The following NALCN variants were observed in gnomAD, a reference collection of about 807,000 sequenced individuals.
The protein encoded by NALCN is sodium leak channel, non-selective.
In NALCN, 111 loss-of-function variants were observed where a neutral mutation model predicts 225.3. That is an observed-to-expected ratio of 0.49 (90% confidence interval 0.42 to 0.58). NALCN has a LOEUF of 0.58. Among genes scored for constraint, NALCN ranks in the 20% least tolerant of loss-of-function variants. The pLI is 0.00. For synonymous variants in NALCN, 764 were observed against 769.0 expected (o/e 0.99, Z 0.11); for missense variants, 1,378 against 2,202.4 (o/e 0.63, Z 7.49).
Position 101,292,967 on chromosome 13 carries a change from G to T in NALCN, c.800-601C>A. On this transcript the variant is annotated intron_variant, in intron 7 of 43. Coordinates refer to ENST00000251127, the MANE Select transcript of NALCN (RefSeq NM_052867.4). The surrounding 1 kb of genome is among the most constrained non-coding windows in gnomAD (Gnocchi z 4.3). Reference sequence around the variant, plus strand: ...AATTACCTCATAGAAAGTACTTCTAGTAATGGAAAGAAAGGAAAGCTAAAA... The same window carrying T: ...AATTACCTCATAGAAAGTACTTCTATTAATGGAAAGAAAGGAAAGCTAAAA... Among the ~76,000 whole-genome samples, 1 of 152,140 alleles carries T rather than the reference G, an allele frequency of 6.6e-6. No homozygotes were observed. Among genetic ancestry groups the T allele is most frequent in the East Asian group, 1.9e-4 (1 of 5,196 alleles).
chr13:101,176,184 G>T, intron 15 of NALCN, 116 bp downstream of exon 15: 1 of 613,318 alleles, frequency 1.6e-6, no homozygotes, highest in Non-Finnish European at 2.5e-6. Flanking sequence ...ACCTTCGATA[G>T]CCTTATTACA....
rs768829740 is a variant in NALCN at position 101,241,938 on chromosome 13, A to T, written c.1267-4016T>A. 1.6e-4 allele frequency among the ~76,000 whole-genome samples: 17 copies of T among 105,748 alleles called. 6 individuals are homozygous for T. The highest frequency in any genetic ancestry group is 4.5e-4 in the Admixed American group (5 of 11,212). The allele number at this position is 105,748 out of a possible 152,430, so 69.4% of individuals were successfully genotyped here. A position where few individuals can be genotyped will look rare whatever the true frequency, so the allele number is the denominator to read the frequency against. On this transcript the variant is annotated intron_variant, in intron 11 of 43. Coordinates refer to ENST00000251127, the MANE Select transcript of NALCN (RefSeq NM_052867.4). ...GCAAGTTCTGGTCACAAGGATTTGC[A>T]AATGTCCTCAGGGCAGCCACTGCCT...
chr13:101,364,968 C>A (rs1272153945), intron 6 of NALCN, among the ~76,000 whole-genome samples: 1 of 152,152 alleles, frequency 6.6e-6, no homozygotes, highest in African/African-American at 2.4e-5. Context: ...TTCTACAAAA[C>A]TGTCTCTTGA....
chr13:101,055,690 T>C lies in NALCN; in HGVS notation c.5024-202A>G, dbSNP rs72650826. Among the ~76,000 whole-genome samples, 466 of 152,162 alleles carry C rather than the reference T, an allele frequency of 3.1e-3. 4 individuals carry two copies. In the Middle Eastern group the frequency reaches 0.034, roughly 11 times the overall value. On this transcript the variant is annotated intron_variant, in intron 43 of 43. Coordinates refer to ENST00000251127, the MANE Select transcript of NALCN (RefSeq NM_052867.4). ...TTTAATTGTGCTCATGGACAACTAA[T>C]GATGTCATTTGGGAAAAAAACGTGC...
chr13:101,259,358 G>C (rs952896889), intron 10 of NALCN, among the ~76,000 whole-genome samples: 5 of 151,776 alleles, frequency 3.3e-5, no homozygotes, highest in Non-Finnish European at 7.4e-5. Context: ...TTTTGAGAAA[G>C]AGTCTCGCTC....
At chr13:101,261,331 G>T (rs1311917504) in intron 10 of NALCN, among the ~76,000 whole-genome samples, 1 of 152,084 alleles carries the variant, frequency 6.6e-6, no homozygotes, top group Non-Finnish European at 1.5e-5. Context: ...GTTTAGGATA[G>T]ATTTGGCTCT....
chr13:101,340,941 A>T (rs751441505), intron 7 of NALCN, among the ~76,000 whole-genome samples: 1 of 152,148 alleles, frequency 6.6e-6, no homozygotes, highest in Non-Finnish European at 1.5e-5. Context: ...ATTTCTAAAG[A>T]AAGTAATTTC....
At chr13:101,366,302 C>A (rs1442797652) in intron 6 of NALCN, among the ~76,000 whole-genome samples, 1 of 152,196 alleles carries the variant, frequency 6.6e-6, no homozygotes, top group Non-Finnish European at 1.5e-5. Context: ...CTTACAGGAA[C>A]TAAGTTCCAT....
intron 16 of NALCN, among the ~76,000 whole-genome samples, chr13:101,144,068 C>A (rs1003197943): frequency 6.6e-6 from 1 of 152,124 alleles, no homozygotes. Context: ...TATAACCCCC[C>A]ACAGAATTAT....
intron 11 of NALCN, among the ~76,000 whole-genome samples, chr13:101,243,128 C>T (rs1207335921): frequency 1.0e-5 from 1 of 97,586 alleles, no homozygotes. Context: ...AGCTTTCTTC[C>T]GTTGTTTATG....
At chr13:101,196,535 T>C (rs1056073643) in intron 13 of NALCN, among the ~76,000 whole-genome samples, 5 of 152,188 alleles carry the variant, frequency 3.3e-5, no homozygotes, top group Admixed American at 6.5e-5. Context: ...CAGAGAATTA[T>C]TCCAGATATC....
chr13:101,345,164 T>C (rs1250062413), intron 7 of NALCN, 102 bp downstream of exon 7: 2 of 1,218,372 alleles, frequency 1.6e-6, no homozygotes, highest in Non-Finnish European at 2.3e-6. Context: ...TCTTCTATAC[T>C]ACAGCCAGTC....
intron 14 of NALCN, chr13:101,181,079 A>C (rs201425023): frequency 4.0e-4 from 208 of 518,876 alleles, no homozygotes; most frequent in Non-Finnish European, 6.5e-4. Context: ...CCAGGGGGGC[A>C]CTTTCCGAAC....
intron 18 of NALCN, among the ~76,000 whole-genome samples, chr13:101,124,248 G>A (rs997770892): frequency 2.0e-5 from 3 of 152,116 alleles, no homozygotes; most frequent in Middle Eastern, 3.4e-3. Context: ...GAACTATAAT[G>A]AAAAAGTTTA....
At chr13:101,271,790 TG>T (rs1009977872) in intron 10 of NALCN, among the ~76,000 whole-genome samples, 4 of 151,902 alleles carry the variant, frequency 2.6e-5, no homozygotes, top group Non-Finnish European at 5.9e-5. Flanking sequence ...TGCATGTCTG[TG>T]TGCATGCATG....
intron 40 of NALCN, among the ~76,000 whole-genome samples, chr13:101,064,819 T>C (rs1263700350): frequency 6.6e-6 from 1 of 152,076 alleles, no homozygotes; most frequent in Non-Finnish European, 1.5e-5. Flanking sequence ...AGGTGCTAAG[T>C]TACAGTAGCC....
intron 37 of NALCN, among the ~76,000 whole-genome samples, chr13:101,070,458 T>C (rs1249728934): frequency 6.6e-6 from 1 of 152,222 alleles, no homozygotes; most frequent in Non-Finnish European, 1.5e-5. Context: ...TCACTATCTA[T>C]GGCAGCTATT....
intron 30 of NALCN, among the ~76,000 whole-genome samples, chr13:101,087,390 C>T (rs2033984602): frequency 6.6e-6 from 1 of 151,758 alleles, no homozygotes; most frequent in African/African-American, 2.4e-5. Flanking sequence ...CAAGAGCAGC[C>T]TCTGGCACCT....
intron 7 of NALCN, among the ~76,000 whole-genome samples, chr13:101,294,692 A>G (rs2043677584): frequency 6.7e-6 from 1 of 149,900 alleles, no homozygotes; most frequent in South Asian, 2.1e-4. Context: ...GGGGTAGTTT[A>G]GTGAGGGATT....
Sources: gnomAD v4.1 joint callset for allele counts (sites outside exome capture counted in the v4.1 genomes callset) on GRCh38, gnomAD v4.1.1 for gene constraint, Gnocchi (gnomAD v3.1) non-coding constraint, MANE v1.5 for transcripts, NCBI Gene and HGNC (gene_info 2026-07-23, HGNC 2026-07-21) for gene names.